VAMP5: variants seen among roughly 807,000 people sequenced by gnomAD.
VAMP5 encodes the protein vesicle associated membrane protein 5.
VAMP5 carries 10 observed loss-of-function variants against 8.1 expected under a neutral mutation model. The observed-to-expected ratio is 1.23, with a 90% CI of 0.76 to 2.09. The LOEUF (loss-of-function observed/expected upper bound fraction) is 2.09, where lower values mean the gene tolerates loss of function less well. Among genes scored for constraint, VAMP5 ranks in the 30% most tolerant of loss-of-function variants. The probability of loss-of-function intolerance (pLI) is 0.00; values close to 1 mark genes in which losing one functional copy is unlikely to be tolerated. For synonymous variants in VAMP5, 62 were observed against 60.6 expected, an observed-to-expected ratio of 1.02 and a Z score of -0.11; for missense variants, 135 against 152.5, an observed-to-expected ratio of 0.89 and a Z score of 0.60.
intron 2 of VAMP5, 122 bp from the exon 3 acceptor site, chr2:85,592,826 T>TAGACAAG (rs1672563991): frequency 2.6e-6 from 2 of 771,690 alleles, no homozygotes; most frequent in African/African-American, 4.8e-5. Flanking sequence ...AGAAAGAAAG[T>TAGACAAG]AGACAAGATG....
chr2:85,587,151 G>A (rs1672473466), intron 1 of VAMP5, among the ~76,000 whole-genome samples: 1 of 152,126 alleles, frequency 6.6e-6, no homozygotes, highest in African/African-American at 2.4e-5. Context: ...CTGAGCCACA[G>A]GTTAGAAACA....
At chr2:85,585,191 T>C (rs1661054319) in intron 1 of VAMP5, among the ~76,000 whole-genome samples, 1 of 152,234 alleles carries the variant, frequency 6.6e-6, no homozygotes, top group Non-Finnish European at 1.5e-5. Context: ...TGCTAACCTC[T>C]ACCTAGTGAC....
At chr2:85,588,978 G>A (rs1558824664) in intron 1 of VAMP5, among the ~76,000 whole-genome samples, 1 of 152,110 alleles carries the variant, frequency 6.6e-6, no homozygotes, top group Non-Finnish European at 1.5e-5. Context: ...GGGCAAAGTG[G>A]TCTCTTTAAG....
At chr2:85,591,589 A>G in intron 1 of VAMP5, 136 bp from the exon 2 acceptor site, 2 of 1,345,700 alleles carry the variant, frequency 1.5e-6, no homozygotes, top group Non-Finnish European at 2.0e-6. Flanking sequence ...CGCACACATC[A>G]TACCCTTACA....
rs200404978 is a variant in VAMP5, at chr2:85,592,943, C to T, written c.142-5C>T. On this transcript the variant is annotated splice_region_variant and splice_polypyrimidine_tract_variant and intron_variant, in intron 2 of 2. Coordinates refer to ENST00000306384, the MANE Select transcript of VAMP5 (RefSeq NM_006634.3). ...CTCCCACTTTGTGTCTGGGGGTATC[C>T]GCAGAGCTCAACCTTCAACAAGACT... The T allele has an allele frequency of 1.4e-4, 226 of 1,613,408 alleles. 1 individual carries two copies. In the African/African-American group the frequency reaches 1.9e-3, roughly 14 times the overall value.
chr2:85,589,012 T>C (rs1672502899), intron 1 of VAMP5, among the ~76,000 whole-genome samples: 1 of 152,170 alleles, frequency 6.6e-6, no homozygotes, highest in African/African-American at 2.4e-5. Flanking sequence ...AGGCCAGGCA[T>C]GATGGCTCAT....
At chr2:85,586,418 TA>T in intron 1 of VAMP5, among the ~76,000 whole-genome samples, 1 of 151,974 alleles carries the variant, frequency 6.6e-6, no homozygotes, top group Non-Finnish European at 1.5e-5. Flanking sequence ...CTACTAAAAA[TA>T]TAAAAAAATA....
Position 85,593,064 on chromosome 2 carries a change from T to A in VAMP5, c.258T>A (p.Ile86=), listed in dbSNP as rs1182993684. ...TTGGTGTCCTGCTCATCATCCTGAT[T>A]GTGCTGCTGGTCGTCTTTCTCCCTC... ...VVVGVLLIIL[I]VLLVVFLPQS... The change falls in exon 3 of 3, where the codon ATT becomes ATA. Residue 86 remains isoleucine (I), a synonymous_variant. Coordinates refer to ENST00000306384, the MANE Select transcript of VAMP5 (RefSeq NM_006634.3). 6 of 1,614,226 alleles carry A rather than the reference T, an allele frequency of 3.7e-6. No individual in the cohort carries two copies. In the East Asian group the frequency reaches 1.1e-4, roughly 30 times the overall value.
rs772788291 is a variant in VAMP5 at position 85,593,114 on chromosome 2, C to T, written c.308C>T (p.Pro103Leu). 2.5e-6 allele frequency: 4 copies of T among 1,614,102 alleles called. No individual in the cohort carries two copies. In the East Asian group the frequency reaches 8.9e-5, roughly 36 times the overall value. The change falls in exon 3 of 3, where the codon CCA becomes CTA. Residue 103 changes from proline to leucine, a missense_variant. Coordinates refer to ENST00000306384, the MANE Select transcript of VAMP5 (RefSeq NM_006634.3). ...CAGAGCAGTGACAGCAGTAGTGCCC[C>T]ACGGACCCAGGATGCAGGCATTGCC... Reference protein sequence around the residue: ...LPQSSDSSSAPRTQDAGIASG... With the variant: ...LPQSSDSSSALRTQDAGIASG...
intron 1 of VAMP5, among the ~76,000 whole-genome samples, chr2:85,587,521 G>A (rs940890603): frequency 1.3e-4 from 19 of 151,816 alleles, no homozygotes; most frequent in Admixed American, 4.6e-4. Context: ...CAAAGTGCTG[G>A]GATTACAGGC....
At chr2:85,588,918 A>C (rs1672500697) in intron 1 of VAMP5, among the ~76,000 whole-genome samples, 3 of 152,090 alleles carry the variant, frequency 2.0e-5, no homozygotes, top group Admixed American at 6.6e-5. Context: ...TGTATCGCAC[A>C]GTGTAACTCT....
chr2:85,591,823 G>A lies in VAMP5; in HGVS notation c.102G>A (p.Leu34=). ...FGKVLERGVK[L]AELQQRSDQL... ...AGGTCCTGGAGCGTGGTGTGAAGCT[G>A]GCCGAACTGCAGCAGCGTTCAGACC... Residue 34 remains leucine (L), a synonymous_variant, in exon 2 of 3, where the codon CTG becomes CTA. Coordinates refer to ENST00000306384, the MANE Select transcript of VAMP5 (RefSeq NM_006634.3). 6.2e-7 allele frequency: 1 copy of A among 1,614,186 alleles called. No individual in the cohort carries two copies. The highest frequency in any genetic ancestry group is 8.5e-7 in the Non-Finnish European group (1 of 1,180,036).
chr2:85,591,790 C>T lies in VAMP5; in HGVS notation c.69C>T (p.Asn23=), dbSNP rs746702064. ...ANEVTEIMRN[N]FGKVLERGVK... ...AGGTGACGGAAATTATGCGTAACAACTTCGGCAAGGTCCTGGAGCGTGGTG... is the reference window on the plus strand; with the variant it reads ...AGGTGACGGAAATTATGCGTAACAATTTCGGCAAGGTCCTGGAGCGTGGTG... The change falls in exon 2 of 3, where the codon AAC becomes AAT. Residue 23 remains asparagine (N), a synonymous_variant. Coordinates refer to ENST00000306384, the MANE Select transcript of VAMP5 (RefSeq NM_006634.3). The T allele has an allele frequency of 2.5e-6, 4 of 1,614,010 alleles. No individual in the cohort carries two copies. The highest frequency in any genetic ancestry group is 1.7e-5 in the Admixed American group (1 of 60,010).
At chr2:85,591,593 C>T in intron 1 of VAMP5, 132 bp from the exon 2 acceptor site, 6 of 1,367,344 alleles carry the variant, frequency 4.4e-6, no homozygotes, top group Non-Finnish European at 6.0e-6. Flanking sequence ...CACATCATAC[C>T]CTTACACGAA....
At chr2:85,590,508 C>G (rs543831547) in intron 1 of VAMP5, among the ~76,000 whole-genome samples, 1 of 152,284 alleles carries the variant, frequency 6.6e-6, no homozygotes, top group South Asian at 2.1e-4. Context: ...TGCAAGGATC[C>G]TGAAGGAGGA....
At chr2:85,585,251 G>A (rs1672446706) in intron 1 of VAMP5, among the ~76,000 whole-genome samples, 1 of 152,256 alleles carries the variant, frequency 6.6e-6, no homozygotes, top group Admixed American at 6.5e-5. Flanking sequence ...CCTGGCCTTT[G>A]TCCTCACTTG....
intron 2 of VAMP5, 82 bp from the exon 3 acceptor site, chr2:85,592,866 C>G: frequency 1.4e-6 from 2 of 1,409,862 alleles, no homozygotes; most frequent in South Asian, 2.3e-5. Flanking sequence ...CTAAGCCTTA[C>G]TGAGATGGGG....
At chr2:85,588,528 C>T (rs13431159) in intron 1 of VAMP5, among the ~76,000 whole-genome samples, 24,550 of 152,032 alleles carry the variant, frequency 0.16, 2,186 homozygotes, top group African/African-American at 0.23. Flanking sequence ...ACCCCTCTCC[C>T]GCCTGGTGGC....
intron 1 of VAMP5, 44 bp from the exon 2 acceptor site, chr2:85,591,681 A>C (rs756429957): frequency 6.2e-6 from 10 of 1,612,924 alleles, no homozygotes; most frequent in Admixed American, 1.7e-5. Context: ...GATGAGGGCC[A>C]GGTGGGGGCC....
Sources: allele counts gnomAD v4.1 joint callset (sites outside exome capture counted in the v4.1 genomes callset), GRCh38; gene constraint gnomAD v4.1.1; transcripts MANE v1.5; gene names NCBI Gene and HGNC (gene_info 2026-07-23, HGNC 2026-07-21).